The following ABCE1 variants were observed in gnomAD, a reference collection of about 807,000 sequenced individuals.
ABCE1 encodes the protein ATP-binding cassette sub-family E member 1.
A neutral mutation model predicts 83.4 loss-of-function variants in ABCE1; 22 were observed. The ratio of observed to expected loss-of-function variants is 0.26; its 90% CI spans 0.19 to 0.38. ABCE1 has a LOEUF of 0.38. ABCE1 is among the 10% of genes least tolerant of loss of function. The pLI is 1.00. For synonymous variants in ABCE1, 204 were observed against 233.7 expected, an observed-to-expected ratio of 0.87 and a Z score of 1.16; for missense variants, 330 against 721.9, an observed-to-expected ratio of 0.46 and a Z score of 6.22.
chr4:145,125,773 G>A (rs560256907), intron 17 of ABCE1, among the ~76,000 whole-genome samples: 1 of 152,116 alleles, frequency 6.6e-6, no homozygotes, highest in South Asian at 2.1e-4. Flanking sequence ...TGATTAAAAG[G>A]TGTATTTTAG....
rs1326232078 is a variant in ABCE1 at position 145,129,389 on chromosome 4, A to C, written c.*1816A>C. 2.0e-5 allele frequency among the ~76,000 whole-genome samples: 3 copies of C among 152,220 alleles called. No homozygotes were observed. The highest frequency in any genetic ancestry group is 4.4e-5 in the Non-Finnish European group (3 of 68,026). On this transcript the variant is annotated 3_prime_UTR_variant, in exon 18 of 18. Transcript: ENST00000296577. ...AATCAATGCAGATGTTAGCAAAAGA[A>C]TGAGACTACTTCATATGTCCTAATT...
chr4:145,120,805 ATAAG>A (rs1194715453), intron 11 of ABCE1, among the ~76,000 whole-genome samples: 1 of 152,148 alleles, frequency 6.6e-6, no homozygotes, highest in Non-Finnish European at 1.5e-5. Context: ...AATATTTTAT[ATAAG>A]TAAACTTTAA....
chr4:145,125,177 T>A, intron 17 of ABCE1, 76 bp downstream of exon 17: 1 of 1,111,186 alleles, frequency 9.0e-7, no homozygotes, highest in South Asian at 1.4e-5. Context: ...TAAAAATCAA[T>A]AACATATGGC....
chr4:145,115,762 C>CTA (rs1749592458), intron 9 of ABCE1, among the ~76,000 whole-genome samples: 1 of 152,000 alleles, frequency 6.6e-6, no homozygotes, highest in African/African-American at 2.4e-5. Flanking sequence ...CTGGACAGTG[C>CTA]TATTTCAGAA....
intron 1 of ABCE1, among the ~76,000 whole-genome samples, chr4:145,104,028 A>G (rs996335353): frequency 6.6e-6 from 1 of 152,046 alleles, no homozygotes; most frequent in Admixed American, 6.5e-5. Context: ...AAAAACTGAG[A>G]TAGCATGTCA....
intron 1 of ABCE1, among the ~76,000 whole-genome samples, chr4:145,099,975 T>C (rs1040045814): frequency 4.6e-5 from 7 of 152,152 alleles, no homozygotes; most frequent in African/African-American, 1.7e-4. Flanking sequence ...ATAATCTTCC[T>C]CTCCAAGCTT....
chr4:145,121,888 AT>A (rs1464012877), intron 13 of ABCE1: 2 of 152,378 alleles, frequency 1.3e-5, no homozygotes, highest in Non-Finnish European at 2.9e-5. Flanking sequence ...AAATAAAAAA[AT>A]AAAGATGTTT....
intron 16 of ABCE1, 70 bp downstream of exon 16, chr4:145,123,670 C>T (rs1272551565): frequency 3.5e-6 from 5 of 1,430,402 alleles, no homozygotes; most frequent in Non-Finnish European, 4.7e-6. Context: ...AAGTCACTCA[C>T]TTTAATTTTT....
chr4:145,117,401 T>C lies in ABCE1; in HGVS notation c.909T>C (p.Phe303=), dbSNP rs775053444. ...PSAYGVVTMP[F]SVREGINIFL... ...CCTATGGAGTTGTCACTATGCCTTTTAGTGTAAGAGAAGGTAACTTGAAAA... is the reference window on the plus strand; with the variant it reads ...CCTATGGAGTTGTCACTATGCCTTTCAGTGTAAGAGAAGGTAACTTGAAAA... Residue 303 remains phenylalanine, a synonymous_variant, in exon 10 of 18, where the codon TTT becomes TTC. Coordinates refer to ENST00000296577, the MANE Select transcript of ABCE1 (RefSeq NM_002940.3). The C allele has an allele frequency of 8.1e-6, 13 of 1,610,414 alleles. No individual in the cohort carries two copies. The East Asian group carries it at 2.2e-4, about 28-fold the overall frequency.
At chr4:145,098,602 G>A (rs778097542) in intron 1 of ABCE1, 183 bp downstream of exon 1, 14 of 152,290 alleles carry the variant, frequency 9.2e-5, no homozygotes, top group Non-Finnish European at 1.8e-4. Flanking sequence ...GAGAGCTTGG[G>A]GGCGCCTCGG....
chr4:145,109,099 AGTT>A, intron 4 of ABCE1, 30 bp from the exon 5 acceptor site: 1 of 1,438,336 alleles, frequency 7.0e-7, no homozygotes, highest in Non-Finnish European at 9.7e-7. Flanking sequence ...TGTAAATCTG[AGTT>A]GTTTTATTAT....
At chr4:145,109,982 A>T (rs1269736548) in intron 5 of ABCE1, 121 bp from the exon 6 acceptor site, 2 of 880,360 alleles carry the variant, frequency 2.3e-6, no homozygotes, top group Non-Finnish European at 3.3e-6. Flanking sequence ...TTCGCCTCCA[A>T]CCTTAAGTTA....
At chr4:145,103,041 T>A (rs1313934335) in intron 1 of ABCE1, among the ~76,000 whole-genome samples, 1 of 152,064 alleles carries the variant, frequency 6.6e-6, no homozygotes, top group East Asian at 1.9e-4. Context: ...GGGGCTGAAA[T>A]CTTCAAAGAA....
At chr4:145,119,895 A>C in intron 10 of ABCE1, 37 bp from the exon 11 acceptor site, 1 of 1,521,656 alleles carries the variant, frequency 6.6e-7, no homozygotes. Flanking sequence ...TTTTGGCTCT[A>C]ATGATTTCTC....
At position 145,123,509 on chromosome 4, in the gene ABCE1, G is replaced by C; in HGVS notation, c.1549G>C (p.Val517Leu). Residue 517 changes from valine to leucine, a missense_variant, in exon 16 of 18, where the codon GTT becomes CTT. Transcript: ENST00000296577. ...FILHAKKTAF[V>L]VEHDFIMATY... ...ACTCCATGCAAAAAAGACAGCCTTT[G>C]TTGTGGAACATGACTTCATCATGGC... 1 of 1,604,246 alleles carries C rather than the reference G, an allele frequency of 6.2e-7. No homozygotes were observed. The highest frequency in any genetic ancestry group is 2.2e-5 in the East Asian group (1 of 44,544).
intron 1 of ABCE1, among the ~76,000 whole-genome samples, chr4:145,099,572 A>G (rs1749058777): frequency 6.6e-6 from 1 of 152,188 alleles, no homozygotes; most frequent in African/African-American, 2.4e-5. Context: ...TTGGAAGAGC[A>G]TCTAACAATT....
intron 9 of ABCE1, among the ~76,000 whole-genome samples, chr4:145,113,544 C>G (rs34830551): frequency 6.6e-6 from 1 of 152,014 alleles, no homozygotes; most frequent in Non-Finnish European, 1.5e-5. Flanking sequence ...CTCATGAGGA[C>G]GAGCTCAAAT....
intron 10 of ABCE1, among the ~76,000 whole-genome samples, chr4:145,119,730 G>A (rs1749692756): frequency 6.6e-6 from 1 of 151,878 alleles, no homozygotes. Flanking sequence ...ATGTGGTTGG[G>A]GGGGACATGC....
Position 145,129,026 on chromosome 4 carries a change from C to G in ABCE1, c.*1453C>G, listed in dbSNP as rs1749968271. The G allele has an allele frequency of 6.6e-6, 1 of 151,998 alleles. No homozygotes were observed. Among genetic ancestry groups the G allele is most frequent in the South Asian group, 2.1e-4 (1 of 4,818 alleles). 9.4% of individuals were successfully genotyped at this position (151,998 alleles called of 1,614,324 possible). A position where few individuals can be genotyped will look rare whatever the true frequency, so the allele number is the denominator to read the frequency against. On this transcript the variant is annotated 3_prime_UTR_variant, in exon 18 of 18. Coordinates refer to ENST00000296577, the MANE Select transcript of ABCE1 (RefSeq NM_002940.3). ...TTCATGCTTTTTTCTGTGCACTTAC[C>G]TAAGTGTGAATATGTAAAGGGTTTG...
Sources: allele counts gnomAD v4.1 joint callset (sites outside exome capture counted in the v4.1 genomes callset), GRCh38; gene constraint gnomAD v4.1.1; transcripts MANE v1.5; gene names NCBI Gene and HGNC (gene_info 2026-07-23, HGNC 2026-07-21).